AUTS2: variants seen among roughly 807,000 people sequenced by gnomAD.
AUTS2 encodes autism susceptibility gene 2 protein.
Under a neutral mutation model 112.4 loss-of-function variants are expected in AUTS2, and 17 were observed. That is an observed-to-expected ratio of 0.15 (90% CI 0.10 to 0.23). The LOEUF (loss-of-function observed/expected upper bound fraction) is 0.23, where lower values mean the gene tolerates loss of function less well. Ranked by LOEUF, AUTS2 falls within the 10% of genes least tolerant of loss-of-function variation. The pLI, the probability that AUTS2 is intolerant of heterozygous loss-of-function variation, is 1.00. For missense variants in AUTS2, 1,510 were observed against 1,701.6 expected, an observed-to-expected ratio of 0.89 and a Z score of 1.98; for synonymous variants, 751 against 702.7, an observed-to-expected ratio of 1.07 and a Z score of -1.09.
intron 4 of AUTS2, among the ~76,000 whole-genome samples, chr7:70,411,920 C>CT (rs545022866): frequency 0.074 from 9,711 of 130,738 alleles, 439 homozygotes; most frequent in East Asian, 0.13. Flanking sequence ...TTCCTTTTTT[C>CT]TTTTTTTTTT....
intron 4 of AUTS2, among the ~76,000 whole-genome samples, chr7:70,433,037 A>G (rs771374089): frequency 1.5e-4 from 23 of 152,164 alleles, no homozygotes; most frequent in Non-Finnish European, 2.9e-4. Flanking sequence ...AATGGATACC[A>G]GTAGGTCTCA....
At chr7:70,607,303 C>T (rs1803835029) in intron 5 of AUTS2, among the ~76,000 whole-genome samples, 1 of 152,146 alleles carries the variant, frequency 6.6e-6, no homozygotes. Context: ...AAGTATGCCT[C>T]TCTGTGTTGG....
At chr7:70,006,703 C>T (rs1193800151) in intron 2 of AUTS2, among the ~76,000 whole-genome samples, 1 of 152,154 alleles carries the variant, frequency 6.6e-6, no homozygotes, top group Non-Finnish European at 1.5e-5. Flanking sequence ...ACAATGATCA[C>T]ATGCCCTGAT....
At chr7:69,931,554 G>A (rs1796229031) in intron 2 of AUTS2, among the ~76,000 whole-genome samples, 1 of 152,190 alleles carries the variant, frequency 6.6e-6, no homozygotes, top group Admixed American at 6.5e-5. Context: ...TGTAATCAGA[G>A]ATAGTCTTGG....
chr7:69,979,013 C>G (rs745875530), intron 2 of AUTS2, among the ~76,000 whole-genome samples: 1 of 152,026 alleles, frequency 6.6e-6, no homozygotes, highest in Non-Finnish European at 1.5e-5. Flanking sequence ...CCTTTAACTT[C>G]AGAGTTAATT....
intron 1 of AUTS2, among the ~76,000 whole-genome samples, chr7:69,740,503 C>T (rs1787216448): frequency 2.7e-5 from 4 of 150,626 alleles, no homozygotes. Flanking sequence ...TTGACAAAAA[C>T]ATACTTAAAT....
chr7:69,805,962 G>A (rs994677455), intron 1 of AUTS2, among the ~76,000 whole-genome samples: 6 of 151,248 alleles, frequency 4.0e-5, no homozygotes, highest in East Asian at 2.0e-4. Context: ...GCAGTGGCGC[G>A]TTCATAGCTC....
chr7:70,731,247 C>G (rs1422600428), intron 6 of AUTS2, among the ~76,000 whole-genome samples: 1 of 151,484 alleles, frequency 6.6e-6, no homozygotes, highest in East Asian at 1.9e-4. Flanking sequence ...TAAAATAAAA[C>G]TAAAGACTGA....
chr7:70,480,254 G>A (rs938588501), intron 5 of AUTS2, among the ~76,000 whole-genome samples: 2 of 152,370 alleles, frequency 1.3e-5, no homozygotes, highest in East Asian at 1.9e-4. Flanking sequence ...TGAGCCAGGA[G>A]TGTGAGCCGG....
At chr7:69,911,044 G>A (rs955481837) in intron 2 of AUTS2, among the ~76,000 whole-genome samples, 1 of 152,220 alleles carries the variant, frequency 6.6e-6, no homozygotes, top group Non-Finnish European at 1.5e-5. Flanking sequence ...CATGACATGT[G>A]GGAATTCTGG....
At chr7:70,101,373 CA>C (rs553519454) in intron 2 of AUTS2, among the ~76,000 whole-genome samples, 167 of 133,298 alleles carry the variant, frequency 1.3e-3, no homozygotes, top group African/African-American at 2.5e-3. Flanking sequence ...TAAGAACTGC[CA>C]AAAAAAAAAA....
At chr7:70,713,709 A>G (rs1419698583) in intron 6 of AUTS2, among the ~76,000 whole-genome samples, 2 of 152,062 alleles carry the variant, frequency 1.3e-5, no homozygotes, top group African/African-American at 4.8e-5. Context: ...CCTGGCTAAC[A>G]TGGTGAAACC....
chr7:70,571,225 A>G (rs927551350), intron 5 of AUTS2, among the ~76,000 whole-genome samples: 62 of 152,236 alleles, frequency 4.1e-4, no homozygotes, highest in African/African-American at 1.5e-3. Flanking sequence ...AAGGCTCGCT[A>G]GAAGTAGAAC....
At chr7:70,442,967 G>T (rs934788091) in intron 5 of AUTS2, among the ~76,000 whole-genome samples, 1 of 152,016 alleles carries the variant, frequency 6.6e-6, no homozygotes, top group African/African-American at 2.4e-5. Flanking sequence ...ACTATCCTTG[G>T]ATTAAATTTC....
chr7:69,659,724 T>C (rs1795709051), intron 1 of AUTS2, among the ~76,000 whole-genome samples: 1 of 151,918 alleles, frequency 6.6e-6, no homozygotes, highest in African/African-American at 2.4e-5. Flanking sequence ...CTTCTGTTGT[T>C]TCTACTATCC....
chr7:70,354,430 T>C (rs1169640755), intron 4 of AUTS2, among the ~76,000 whole-genome samples: 1 of 152,254 alleles, frequency 6.6e-6, no homozygotes, highest in Non-Finnish European at 1.5e-5. Context: ...TAACAGCTAC[T>C]AAGTGCATAC....
chr7:70,193,508 T>G (rs1810012827), intron 4 of AUTS2, among the ~76,000 whole-genome samples: 1 of 152,136 alleles, frequency 6.6e-6, no homozygotes, highest in South Asian at 2.1e-4. Context: ...TTTAGAGACG[T>G]AAAGTAAAGT....
intron 16 of AUTS2, chr7:70,785,472 G>T (rs763473058): frequency 2.1e-6 from 1 of 470,138 alleles, no homozygotes; most frequent in South Asian, 1.5e-5. Context: ...TCCTAATAAA[G>T]GTGCATGCTT....
chr7:70,377,364 A>T (rs1441680638), intron 4 of AUTS2, among the ~76,000 whole-genome samples: 1 of 121,242 alleles, frequency 8.2e-6, no homozygotes, highest in Non-Finnish European at 1.7e-5. Flanking sequence ...ATATATATAT[A>T]TATATATATA....
Sources: allele counts gnomAD v4.1 joint callset (sites outside exome capture counted in the v4.1 genomes callset), GRCh38; gene constraint gnomAD v4.1.1; transcripts MANE v1.5; gene names NCBI Gene and HGNC (gene_info 2026-07-23, HGNC 2026-07-21).